Variants in MRTFB observed in about 807,000 individuals in gnomAD.
The protein encoded by MRTFB is myocardin related transcription factor B.
Under a neutral mutation model 104.2 loss-of-function variants are expected in MRTFB, and 29 were observed. That is an observed-to-expected ratio of 0.28 (90% CI 0.21 to 0.38). MRTFB has a LOEUF of 0.38. Ranked by LOEUF, MRTFB falls within the 10% of genes least tolerant of loss-of-function variation. The pLI, the probability that MRTFB is intolerant of heterozygous loss-of-function variation, is 1.00. For synonymous variants in MRTFB, 535 were observed against 519.5 expected, an observed-to-expected ratio of 1.03 and a Z score of -0.41; for missense variants, 1,270 against 1,341.6, an observed-to-expected ratio of 0.95 and a Z score of 0.83.
At chr16:14,008,956 T>TTATTTATTTATTTATTTATTTA in the MRTFB span, among the ~76,000 whole-genome samples, 19 of 151,962 alleles carry the variant, frequency 1.3e-4, no homozygotes, top group South Asian at 2.1e-4. Flanking sequence ...ATTTATTTAT[T>TTATTTATTTATTTATTTATTTA]TTCATTTAGA....
intron 8 of MRTFB, among the ~76,000 whole-genome samples, chr16:14,230,838 G>A (rs984285467): frequency 1.3e-5 from 2 of 151,576 alleles, no homozygotes; most frequent in African/African-American, 4.9e-5. Flanking sequence ...GCACACGTAT[G>A]TTTATTGAGG....
At chr16:14,162,487 C>T (rs921843465) in intron 3 of MRTFB, among the ~76,000 whole-genome samples, 3 of 152,274 alleles carry the variant, frequency 2.0e-5, no homozygotes, top group Non-Finnish European at 2.9e-5. Context: ...TACCCAAATG[C>T]TCATCTGCAG....
At chr16:13,997,121 G>C in the MRTFB span, among the ~76,000 whole-genome samples, 2 of 152,230 alleles carry the variant, frequency 1.3e-5, no homozygotes, top group African/African-American at 2.4e-5. Context: ...GCCTGTATAT[G>C]GTGGCTCTAT....
chr16:14,100,234 A>G (rs929232242), intron 2 of MRTFB, among the ~76,000 whole-genome samples: 2 of 152,262 alleles, frequency 1.3e-5, no homozygotes, highest in Middle Eastern at 3.4e-3. Context: ...TGTTAGCTAT[A>G]GGTTTATTGT....
chr16:14,130,431 T>G (rs990325175), intron 2 of MRTFB, among the ~76,000 whole-genome samples: 2 of 152,218 alleles, frequency 1.3e-5, no homozygotes, highest in African/African-American at 4.8e-5. Flanking sequence ...TATAAATTCC[T>G]AGAAAATCAA....
Position 14,094,124 on chromosome 16 carries a change from T to C in MRTFB, c.-64+14770T>C, listed in dbSNP as rs142001164. 1.4e-3 allele frequency among the ~76,000 whole-genome samples: 219 copies of C among 152,304 alleles called. 1 individual carries two copies. The highest frequency in any genetic ancestry group is 5.1e-3 in the African/African-American group (212 of 41,564). On this transcript the variant is annotated intron_variant, in intron 2 of 16. Transcript: ENST00000571589. Reference sequence around the variant, plus strand: ...ACATGTGGCACCGATGAAAGAAGCCTGAATCCCTTACAGAGTTTGTCTCTG... The same window carrying C: ...ACATGTGGCACCGATGAAAGAAGCCCGAATCCCTTACAGAGTTTGTCTCTG...
intron 2 of MRTFB, among the ~76,000 whole-genome samples, chr16:14,094,788 G>A (rs984174584): frequency 1.3e-5 from 2 of 152,156 alleles, no homozygotes; most frequent in Non-Finnish European, 2.9e-5. Flanking sequence ...CAGGGCTGGC[G>A]CTCCGCTGCA....
At chr16:14,044,656 T>C in the MRTFB span, among the ~76,000 whole-genome samples, 1 of 152,204 alleles carries the variant, frequency 6.6e-6, no homozygotes, top group Non-Finnish European at 1.5e-5. Context: ...TCCTCCCAAG[T>C]TTTGCCCATA....
intron 2 of MRTFB, among the ~76,000 whole-genome samples, chr16:14,106,382 G>A (rs1365255354): frequency 6.6e-6 from 1 of 152,108 alleles, no homozygotes; most frequent in Non-Finnish European, 1.5e-5. Flanking sequence ...GAGAGGTGAG[G>A]AGTTACTTTA....
the MRTFB span, among the ~76,000 whole-genome samples, chr16:14,060,176 T>C: frequency 6.6e-6 from 1 of 151,822 alleles, no homozygotes; most frequent in Admixed American, 6.6e-5. Flanking sequence ...CCAGCTAATT[T>C]TTGTACTTTT....
At chr16:14,119,034 C>A (rs2036699553) in intron 2 of MRTFB, among the ~76,000 whole-genome samples, 1 of 152,044 alleles carries the variant, frequency 6.6e-6, no homozygotes, top group South Asian at 2.1e-4. Context: ...GTGTCTCGTG[C>A]ATGTTTGACA....
At chr16:14,077,515 CT>C (rs36114031) in intron 1 of MRTFB, among the ~76,000 whole-genome samples, 22,904 of 140,868 alleles carry the variant, frequency 0.16, 3,484 homozygotes, top group African/African-American at 0.4. Flanking sequence ...CCCCTTGTTG[CT>C]TTTTTTTTTT....
the MRTFB span, among the ~76,000 whole-genome samples, chr16:14,017,993 G>C: frequency 6.6e-6 from 1 of 151,420 alleles, no homozygotes; most frequent in Non-Finnish European, 1.5e-5. Flanking sequence ...AAGTGCTGGG[G>C]TTACAGGCAT....
At chr16:14,252,743 C>T (rs1225892092) in intron 15 of MRTFB, among the ~76,000 whole-genome samples, 1 of 152,148 alleles carries the variant, frequency 6.6e-6, no homozygotes, top group Middle Eastern at 3.2e-3. Flanking sequence ...GGGTTTATCT[C>T]TTAACTTTTC....
rs1021716774 is a variant in MRTFB, at chr16:14,218,087, T to G, written c.515-733T>G. ...TTTGTTTTTCTTTTTTGAGACGGAG[T>G]CTGGCTCTGTCTCCCAGGCTGGAGT... On this transcript the variant is annotated intron_variant, in intron 7 of 16. Coordinates refer to ENST00000571589, the MANE Select transcript of MRTFB (RefSeq NM_001308142.2). Among the ~76,000 whole-genome samples the G allele has an allele frequency of 3.9e-5, 6 of 152,118 alleles. No homozygotes were observed. The South Asian group carries it at 1.2e-3, about 32-fold the overall frequency.
At chr16:14,204,553 A>G (rs2040857067) in intron 3 of MRTFB, among the ~76,000 whole-genome samples, 1 of 152,218 alleles carries the variant, frequency 6.6e-6, no homozygotes, top group Admixed American at 6.5e-5. Context: ...ATAAAAGTAG[A>G]GCAAATTCAA....
the MRTFB span, chr16:14,020,210 A>C: frequency 2.0e-5 from 3 of 152,186 alleles, no homozygotes; most frequent in African/African-American, 7.2e-5. Context: ...ATCTGGGTCA[A>C]ACACTCTGCC....
chr16:14,053,220 C>G, the MRTFB span, among the ~76,000 whole-genome samples: 1 of 151,876 alleles, frequency 6.6e-6, no homozygotes, highest in Non-Finnish European at 1.5e-5. Context: ...ACCACTGTGC[C>G]CAGCCCTCTG....
the MRTFB span, among the ~76,000 whole-genome samples, chr16:14,064,986 T>A: frequency 3.1e-4 from 47 of 152,332 alleles, no homozygotes; most frequent in African/African-American, 9.9e-4. Flanking sequence ...TTTTTCTAAG[T>A]GTGTGCAGAA....
Sources: allele counts gnomAD v4.1 joint callset (sites outside exome capture counted in the v4.1 genomes callset), GRCh38; gene constraint gnomAD v4.1.1; transcripts MANE v1.5; gene names NCBI Gene and HGNC (gene_info 2026-07-23, HGNC 2026-07-21).